Variants in SKA3 observed in about 807,000 individuals in gnomAD.
The protein encoded by SKA3 is spindle and kinetochore associated complex subunit 3, also known as spindle and kinetochore-associated protein 3.
Under a neutral mutation model 44.2 loss-of-function variants are expected in SKA3, and 39 were observed. The ratio of observed to expected loss-of-function variants is 0.88; its 90% CI spans 0.68 to 1.15. The LOEUF is 1.15. SKA3 is among the 50% of genes most tolerant of loss of function. The pLI, the probability that SKA3 is intolerant of heterozygous loss-of-function variation, is 0.00. For synonymous variants in SKA3, 192 were observed against 172.0 expected (o/e 1.12, Z -0.91); for missense variants, 511 against 485.8 (o/e 1.05, Z -0.49).
intron 4 of SKA3, among the ~76,000 whole-genome samples, chr13:21,165,446 A>C (rs968004201): frequency 9.9e-5 from 15 of 151,340 alleles, no homozygotes; most frequent in East Asian, 3.9e-4. Flanking sequence ...TAAATAAATA[A>C]ATACATAAAG....
In SKA3 at chr13:21,172,698, GA is replaced by G; in HGVS notation, c.104-18del. The G allele has an allele frequency of 6.9e-7, 1 of 1,442,224 alleles. No homozygotes were observed. Among genetic ancestry groups the G allele is most frequent in the Non-Finnish European group, 9.5e-7 (1 of 1,051,432 alleles). The allele number at this position is 1,442,224 out of a possible 1,614,324, so 89.3% of individuals were successfully genotyped here. On this transcript the variant is annotated intron_variant, in intron 1 of 8. Coordinates refer to ENST00000314759, the MANE Select transcript of SKA3 (RefSeq NM_145061.6). ...CTTCAAAGTCTTCAATATGAATATT[GA>G]AAGAAAAGAAGTCCAATAAATGTAA...
At position 21,153,963 on chromosome 13, in the gene SKA3, C is replaced by T. The variant is rs1055459781; in HGVS notation, c.*1187G>A. 4.6e-5 allele frequency: 7 copies of T among 152,312 alleles called. No individual in the cohort carries two copies. The highest frequency in any genetic ancestry group is 7.3e-5 in the Non-Finnish European group (5 of 68,040). 9.4% of individuals were successfully genotyped at this position (152,312 alleles called of 1,614,324 possible). ...TTAATAAAAATAATACTTACAACTA[C>T]CCAGTAACTCCTAGAACAAGGACAA... is the stretch of plus-strand genomic sequence containing the variant. On this transcript the variant is annotated 3_prime_UTR_variant, in exon 9 of 9. Transcript: ENST00000314759.
At chr13:21,168,532 TTTAG>T (rs1203869834) in intron 3 of SKA3, 133 bp from the exon 4 acceptor site, 3 of 830,576 alleles carry the variant, frequency 3.6e-6, no homozygotes, top group East Asian at 2.7e-5. Context: ...ATTTTATTTA[TTTAG>T]TATTTATTGA....
chr13:21,172,648 T>A lies in SKA3; in HGVS notation c.137A>T (p.Asp46Val). The A allele has an allele frequency of 6.3e-7, 1 of 1,583,748 alleles. No individual in the cohort carries two copies. The highest frequency in any genetic ancestry group is 8.6e-7 in the Non-Finnish European group (1 of 1,162,064). ...TAGAGTCTGAACTTCTGAATGAAGG[T>A]CATATAAAATTCTCATTGGATAATC... ...FEDYPMRILY[D>V]LHSEVQTLKD... The change falls in exon 2 of 9, where the codon GAC becomes GTC. Residue 46 changes from aspartate (D) to valine (V), a missense_variant. Asp to Val is a radical substitution (Grantham distance 152, BLOSUM62 -3). Transcript: ENST00000314759.
At chr13:21,159,326 T>C (rs1467793684) in intron 6 of SKA3, among the ~76,000 whole-genome samples, 2 of 152,198 alleles carry the variant, frequency 1.3e-5, no homozygotes, top group Non-Finnish European at 2.9e-5. Context: ...TTAAATTTAT[T>C]TGTTGGTAAA....
At chr13:21,156,285 T>C (rs1412038230) in intron 7 of SKA3, among the ~76,000 whole-genome samples, 1 of 151,982 alleles carries the variant, frequency 6.6e-6, no homozygotes, top group African/African-American at 2.4e-5. Flanking sequence ...GCTTAAAATG[T>C]ATTCTGACTG....
chr13:21,173,899 T>C (rs530461413), intron 1 of SKA3, among the ~76,000 whole-genome samples: 4 of 152,354 alleles, frequency 2.6e-5, no homozygotes, highest in African/African-American at 9.6e-5. Flanking sequence ...GTTATGCATA[T>C]GCTCAACTTC....
intron 1 of SKA3, among the ~76,000 whole-genome samples, chr13:21,174,767 CCAACAA>C (rs60501469): frequency 2.7e-5 from 4 of 150,664 alleles, no homozygotes; most frequent in Non-Finnish European, 4.4e-5. Flanking sequence ...GCGTACTGCT[CCAACAA>C]CAACAACAAC....
In SKA3 at chr13:21,157,991, A is replaced by T. The variant is rs181879406; in HGVS notation, c.1050T>A (p.Ser350=). 1 of 1,613,530 alleles carries T rather than the reference A, an allele frequency of 6.2e-7. No individual in the cohort carries two copies. Among genetic ancestry groups the T allele is most frequent in the South Asian group, 1.1e-5 (1 of 91,074 alleles). The change falls in exon 7 of 9, where the codon TCT becomes TCA. Residue 350 remains serine, a synonymous_variant. Transcript: ENST00000314759. ...GTGTTCTGAGCAGATTCTCATAAGA[A>T]GAAATCGTAGGTGAAGAGGGATCTG... is the stretch of plus-strand genomic sequence containing the variant. The part of the protein sequence containing the change: ...NLTDPSSPTI[S]SYENLLRTPT...
At chr13:21,155,369 T>A (rs1165884160) in intron 8 of SKA3, among the ~76,000 whole-genome samples, 1 of 152,032 alleles carries the variant, frequency 6.6e-6, no homozygotes, top group Non-Finnish European at 1.5e-5. Flanking sequence ...CTGGCAAATG[T>A]CAATTAAAAA....
intron 7 of SKA3, among the ~76,000 whole-genome samples, chr13:21,157,030 G>A (rs1205178943): frequency 7.8e-6 from 1 of 127,442 alleles, no homozygotes; most frequent in Non-Finnish European, 1.7e-5. Context: ...ACTGCAGTCC[G>A]CAGTCCGACC....
intron 4 of SKA3, among the ~76,000 whole-genome samples, chr13:21,166,741 C>T (rs554958130): frequency 7.8e-4 from 118 of 152,196 alleles, no homozygotes; most frequent in Non-Finnish European, 1.4e-3. Flanking sequence ...AAAAACAAAA[C>T]AAAACAAACA....
intron 4 of SKA3, among the ~76,000 whole-genome samples, chr13:21,166,137 C>T (rs531848116): frequency 1.3e-5 from 2 of 151,926 alleles, no homozygotes; most frequent in East Asian, 3.9e-4. Context: ...CCTGCTTCAG[C>T]CTTCCAAGTA....
intron 1 of SKA3, among the ~76,000 whole-genome samples, chr13:21,173,176 A>AAGG (rs71659460): frequency 4.1e-4 from 1 of 2,418 alleles, no homozygotes; most frequent in East Asian, 0.25. Context: ...GCTCAAGAAA[A>AAGG]AGGAGAAACA....
intron 6 of SKA3, among the ~76,000 whole-genome samples, chr13:21,159,661 T>C (rs1870324138): frequency 3.3e-5 from 5 of 152,192 alleles, no homozygotes. Context: ...CTATAACTTG[T>C]TTAAATCTTT....
chr13:21,160,623 A>C (rs1385392409), intron 5 of SKA3, among the ~76,000 whole-genome samples: 1 of 152,200 alleles, frequency 6.6e-6, no homozygotes, highest in Non-Finnish European at 1.5e-5. Context: ...ACTCAATACC[A>C]CTAGTGAGAA....
At chr13:21,172,565 A>T (rs945193154) in intron 2 of SKA3, 55 bp downstream of exon 2, 139 of 1,371,092 alleles carry the variant, frequency 1.0e-4, no homozygotes, top group Non-Finnish European at 1.3e-4. Context: ...TCTATTTAGG[A>T]TAAAAAAATT....
intron 3 of SKA3, among the ~76,000 whole-genome samples, chr13:21,171,920 C>T (rs1456781913): frequency 1.3e-5 from 2 of 152,166 alleles, no homozygotes; most frequent in Non-Finnish European, 2.9e-5. Context: ...ATTTTATAGC[C>T]AATATCTCTT....
intron 1 of SKA3, among the ~76,000 whole-genome samples, chr13:21,173,639 T>C (rs1391559821): frequency 1.3e-5 from 2 of 152,228 alleles, no homozygotes; most frequent in East Asian, 3.8e-4. Context: ...ATGTACTCTT[T>C]TGCGACTGGC....
Sources: gnomAD v4.1 joint callset for allele counts (sites outside exome capture counted in the v4.1 genomes callset) on GRCh38, gnomAD v4.1.1 for gene constraint, MANE v1.5 for transcripts, NCBI Gene and HGNC (gene_info 2026-07-23, HGNC 2026-07-21) for gene names.